The following NRAP variants were observed in gnomAD, a reference collection of about 807,000 sequenced individuals.
NRAP encodes nebulin related anchoring protein.
Under a neutral mutation model 225.9 loss-of-function variants are expected in NRAP, and 189 were observed. The ratio of observed to expected loss-of-function variants is 0.84; its 90% CI spans 0.74 to 0.94. The LOEUF is 0.94. Among genes scored for constraint, NRAP ranks in the 40% least tolerant of loss-of-function variants. NRAP has a pLI of 0.00. For missense variants in NRAP, 2,176 were observed against 2,168.7 expected (o/e 1.00, Z -0.07); for synonymous variants, 769 against 790.7 (o/e 0.97, Z 0.46).
chr10:113,607,531 C>T (rs1847071551), intron 32 of NRAP, among the ~76,000 whole-genome samples: 1 of 151,492 alleles, frequency 6.6e-6, no homozygotes, highest in South Asian at 2.1e-4. Context: ...GCACTGTTAT[C>T]CCACAGCACA....
chr10:113,650,948 T>A (rs145784179), intron 7 of NRAP, among the ~76,000 whole-genome samples: 1 of 152,356 alleles, frequency 6.6e-6, no homozygotes, highest in East Asian at 1.9e-4. Context: ...TGCTTCAATG[T>A]CCCATTCAGA....
At chr10:113,646,599 T>G (rs1208703769) in intron 10 of NRAP, among the ~76,000 whole-genome samples, 3 of 152,258 alleles carry the variant, frequency 2.0e-5, no homozygotes, top group Non-Finnish European at 2.9e-5. Flanking sequence ...ATATGACTTA[T>G]TTTAATCAGC....
chr10:113,595,465 G>A (rs1056940336), intron 38 of NRAP, among the ~76,000 whole-genome samples, 158 bp downstream of exon 38: 5 of 152,156 alleles, frequency 3.3e-5, no homozygotes, highest in African/African-American at 1.2e-4. Flanking sequence ...ACTGAGGAAA[G>A]TGACTGAAAG....
Position 113,645,821 on chromosome 10 carries a change from G to C in NRAP, c.1110+4C>G. Reference sequence around the variant, plus strand: ...CATGGGTGTGACTCTTCCCCCATACGCACCTCACTCACGAGTTTGTTTACG... The same window carrying C: ...CATGGGTGTGACTCTTCCCCCATACCCACCTCACTCACGAGTTTGTTTACG... On this transcript the variant is annotated splice_donor_region_variant and intron_variant, in intron 11 of 41. Coordinates refer to ENST00000359988, the MANE Select transcript of NRAP (RefSeq NM_198060.4). 1.4e-6 allele frequency: 2 copies of C among 1,449,594 alleles called. No homozygotes were observed. The highest frequency in any genetic ancestry group is 1.9e-6 in the Non-Finnish European group (2 of 1,034,776). 89.8% of individuals were successfully genotyped at this position (1,449,594 alleles called of 1,614,324 possible).
chr10:113,622,137 A>T lies in NRAP; in HGVS notation c.2501T>A (p.Ile834Asn), dbSNP rs112597942. 1 of 1,614,052 alleles carries T rather than the reference A, an allele frequency of 6.2e-7. No homozygotes were observed. The highest frequency in any genetic ancestry group is 8.5e-7 in the Non-Finnish European group (1 of 1,179,914). The change falls in exon 24 of 42, where the codon ATT becomes AAT. Residue 834 changes from isoleucine (I) to asparagine (N), a missense_variant. By Grantham distance (149) the Ile-to-Asn change is moderately radical. Transcript: ENST00000359988. ...ATCTCCCTGTACATCTTTTGCCCCA[A>T]TGAGCTTCCCTCTGGATCTCTCATA... Reference protein sequence around the residue: ...EDYERSRGKLIGAKDVQGDSQ... With the variant: ...EDYERSRGKLNGAKDVQGDSQ...
chr10:113,653,495 C>G (rs564408019), intron 5 of NRAP, among the ~76,000 whole-genome samples: 3 of 152,194 alleles, frequency 2.0e-5, no homozygotes, highest in Non-Finnish European at 4.4e-5. Context: ...GTGTTTCTAG[C>G]ATTTTCTTTC....
In NRAP at chr10:113,657,558, T is replaced by A; in HGVS notation, c.272A>T (p.Asp91Val). 1 of 1,583,022 alleles carries A rather than the reference T, an allele frequency of 6.3e-7. No individual in the cohort carries two copies. The highest frequency in any genetic ancestry group is 8.7e-7 in the Non-Finnish European group (1 of 1,151,668). Residue 91 changes from aspartate (D) to valine (V), a missense_variant, in exon 4 of 42, where the codon GAT becomes GTT. Physicochemically the swap from Asp to Val is radical, Grantham distance 152. Around this residue, in one of 3 missense-constraint regions of NRAP, gnomAD observed 1,708 missense variants for 1,695.5 expected, o/e 1.01. Transcript: ENST00000359988. Reference protein sequence around the residue: ...EAISGIHDQEDGEQCKSVFHW... With the variant: ...EAISGIHDQEVGEQCKSVFHW... Reference sequence around the variant, plus strand: ...AAAAACTGATTTACACTGTTCACCATCTTCTTGGTCATGGATCTGCTCAAG... The same window carrying A: ...AAAAACTGATTTACACTGTTCACCAACTTCTTGGTCATGGATCTGCTCAAG...
chr10:113,633,018 C>G (rs1848658198), intron 16 of NRAP, 66 bp downstream of exon 16: 5 of 855,134 alleles, frequency 5.8e-6, no homozygotes, highest in Non-Finnish European at 1.0e-5. Context: ...GCTGGACCAT[C>G]CTGTTATCTT....
intron 4 of NRAP, among the ~76,000 whole-genome samples, chr10:113,655,046 G>A (rs1850223744): frequency 6.6e-6 from 1 of 152,198 alleles, no homozygotes; most frequent in East Asian, 1.9e-4. Context: ...GTTGGATAGA[G>A]CCAGCCTTTG....
rs1564704689 is a variant in NRAP at position 113,604,598 on chromosome 10, G to C, written c.4227+11C>G. The C allele has an allele frequency of 5.0e-6, 8 of 1,606,422 alleles. No individual in the cohort carries two copies. Reference sequence around the variant, plus strand: ...TGGGGGCTGGTTTGCATTCCACAAGGCCACCCCTACCTCACTCTGCAGGGC... The same window carrying C: ...TGGGGGCTGGTTTGCATTCCACAAGCCCACCCCTACCTCACTCTGCAGGGC... On this transcript the variant is annotated intron_variant, in intron 35 of 41. Coordinates refer to ENST00000359988, the MANE Select transcript of NRAP (RefSeq NM_198060.4).
intron 26 of NRAP, 108 bp from the exon 27 acceptor site, chr10:113,615,924 G>C (rs189490342): frequency 1.4e-6 from 1 of 708,796 alleles, no homozygotes; most frequent in Non-Finnish European, 2.6e-6. Flanking sequence ...CCTCCTCATA[G>C]AGACATGATT....
chr10:113,590,708 A>G lies in NRAP; in HGVS notation c.4826T>C (p.Leu1609Pro). 1 of 1,614,122 alleles carries G rather than the reference A, an allele frequency of 6.2e-7. No individual in the cohort carries two copies. The highest frequency in any genetic ancestry group is 8.5e-7 in the Non-Finnish European group (1 of 1,180,014). ...CTGCTGGCTCCTCTTGGCCTGAAGG[A>G]GGCCGGGCTGGTCTGTGCTGCTGTG... is the stretch of plus-strand genomic sequence containing the variant. ...QFHSSTDQPG[L>P]LQAKRSQQLA... Residue 1609 changes from leucine (L) to proline (P), a missense_variant, in exon 40 of 42, where the codon CTC (leucine) becomes CCC (proline). Leu to Pro is a moderately conservative substitution (Grantham distance 98, BLOSUM62 -3). Transcript: ENST00000359988.
intron 34 of NRAP, among the ~76,000 whole-genome samples, chr10:113,605,392 A>G (rs1234100553): frequency 3.9e-5 from 6 of 152,244 alleles, no homozygotes; most frequent in African/African-American, 1.4e-4. Flanking sequence ...GTGAAACTAC[A>G]GAGAGCCAAG....
At position 113,628,971 on chromosome 10, in the gene NRAP, T is replaced by C; in HGVS notation, c.2091A>G (p.Thr697=). 6.2e-7 allele frequency: 1 copy of C among 1,613,854 alleles called. No homozygotes were observed. The highest frequency in any genetic ancestry group is 8.5e-7 in the Non-Finnish European group (1 of 1,179,878). Residue 697 remains threonine (T), a synonymous_variant, in exon 20 of 42, where the codon ACA becomes ACG. Transcript: ENST00000359988. The stretch of plus-strand genomic sequence containing the variant: ...CTTGTTCCAAGTTGAGACTCCCCTC[T>C]GTCAGCCACCCAACTCCCTTCATCC... ...LAWMKGVGWL[T]EGSLNLEQAK...
In NRAP at chr10:113,634,106, A is replaced by G; in HGVS notation, c.1527+6T>C. 1 of 1,603,054 alleles carries G rather than the reference A, an allele frequency of 6.2e-7. No homozygotes were observed. Among genetic ancestry groups the G allele is most frequent in the Non-Finnish European group, 8.5e-7 (1 of 1,169,922 alleles). ...TACATCCAGCTGGGCAGGGACAGTT[A>G]CTTACATGACTCAGCTGCTGGGCAT... On this transcript the variant is annotated splice_donor_region_variant and intron_variant, in intron 15 of 41. Coordinates refer to ENST00000359988, the MANE Select transcript of NRAP (RefSeq NM_198060.4).
intron 3 of NRAP, among the ~76,000 whole-genome samples, chr10:113,658,578 G>A (rs980038331): frequency 2.0e-5 from 3 of 152,098 alleles, no homozygotes; most frequent in Non-Finnish European, 2.9e-5. Flanking sequence ...TAGGAAGTGA[G>A]GCCCAGAAAT....
intron 18 of NRAP, among the ~76,000 whole-genome samples, chr10:113,630,809 T>C (rs1035240864): frequency 6.6e-6 from 1 of 152,202 alleles, no homozygotes; most frequent in Non-Finnish European, 1.5e-5. Context: ...ATTTAATGAC[T>C]CATTGGATAA....
intron 16 of NRAP, among the ~76,000 whole-genome samples, chr10:113,632,455 C>A (rs969588737): frequency 5.9e-5 from 9 of 152,168 alleles, no homozygotes; most frequent in African/African-American, 2.2e-4. Flanking sequence ...TCACATTAGG[C>A]CTGTGAGGCT....
intron 30 of NRAP, among the ~76,000 whole-genome samples, chr10:113,611,531 A>G (rs755701364): frequency 6.6e-5 from 10 of 152,174 alleles, no homozygotes; most frequent in Non-Finnish European, 1.5e-4. Context: ...GAAGTCTCCA[A>G]TGCTTCCTGA....
Sources: gnomAD v4.1 joint callset for allele counts (sites outside exome capture counted in the v4.1 genomes callset) on GRCh38, gnomAD v4.1.1 for gene constraint, gnomAD v4.1.1 regional missense constraint, MANE v1.5 for transcripts, NCBI Gene and HGNC (gene_info 2026-07-23, HGNC 2026-07-21) for gene names.